Variants in CD58 observed in about 807,000 individuals in gnomAD.
CD58 encodes the protein CD58 molecule.
CD58 carries 14 observed loss-of-function variants against 27.6 expected under a neutral mutation model. The observed-to-expected ratio is 0.51, with a 90% CI of 0.34 to 0.79. The LOEUF is 0.79. Ranked by LOEUF, CD58 falls within the 30% of genes least tolerant of loss-of-function variation. The pLI, the probability that CD58 is intolerant of heterozygous loss-of-function variation, is 0.02. For synonymous variants in CD58, 117 were observed against 103.8 expected (o/e 1.13, Z -0.77); for missense variants, 268 against 301.7 (o/e 0.89, Z 0.83).
chr1:116,554,090 CT>C (rs1281784188), intron 1 of CD58, among the ~76,000 whole-genome samples: 1 of 152,120 alleles, frequency 6.6e-6, no homozygotes. Flanking sequence ...CTAAAAGAAC[CT>C]GTAGTTTCAC....
chr1:116,516,197 T>TAA lies in CD58; in HGVS notation c.744-1377_744-1376dup, dbSNP rs1389610063. Reference sequence around the variant, plus strand: ...GTGTGTGCTACCATACCCAGCTTCATAACCCTTTAGTAACTGAGCTTAGAG... The same window carrying TAA: ...GTGTGTGCTACCATACCCAGCTTCATAAAACCCTTTAGTAACTGAGCTTAGAG... On this transcript the variant is annotated intron_variant, in intron 5 of 5. Coordinates refer to ENST00000369489, the MANE Select transcript of CD58 (RefSeq NM_001779.3). This position sits in a 1 kb window ranked among gnomAD's most constrained non-coding sequence, Gnocchi z 6.1. Among the ~76,000 whole-genome samples the TAA allele has an allele frequency of 6.6e-6, 1 of 152,170 alleles. No homozygotes were observed. The highest frequency in any genetic ancestry group is 1.5e-5 in the Non-Finnish European group (1 of 68,024).
intron 5 of CD58, among the ~76,000 whole-genome samples, chr1:116,518,399 C>A (rs1486244807): frequency 2.6e-5 from 4 of 151,968 alleles, no homozygotes; most frequent in Non-Finnish European, 5.9e-5. Context: ...TAATTAGTCC[C>A]ATGCTTTGCC....
At position 116,550,582 on chromosome 1, in the gene CD58, T is replaced by A. The variant is rs1203114958; in HGVS notation, c.71-5978A>T. Among the ~76,000 whole-genome samples the A allele has an allele frequency of 6.6e-6, 1 of 152,162 alleles. No individual in the cohort carries two copies. Among genetic ancestry groups the A allele is most frequent in the African/African-American group, 2.4e-5 (1 of 41,438 alleles). On this transcript the variant is annotated intron_variant, in intron 1 of 5. Coordinates refer to ENST00000369489, the MANE Select transcript of CD58 (RefSeq NM_001779.3). The surrounding 1 kb of genome is among the most constrained non-coding windows in gnomAD (Gnocchi z 4.2). ...GGATCGGAATCAAATTCTTCCAAAC[T>A]CCTGTTAATATTGATATTTTGACCT...
At chr1:116,540,152 T>A (rs1657946783) in intron 2 of CD58, among the ~76,000 whole-genome samples, 2 of 152,146 alleles carry the variant, frequency 1.3e-5, no homozygotes, top group Non-Finnish European at 2.9e-5. Context: ...AGGGGACTTT[T>A]GGGTATGGAG....
At chr1:116,535,897 T>G in intron 3 of CD58, 68 bp downstream of exon 3, 1 of 1,110,532 alleles carries the variant, frequency 9.0e-7, no homozygotes, top group Non-Finnish European at 1.3e-6. Context: ...TTCAAAATTG[T>G]GAACCTTGTG....
Position 116,536,053 on chromosome 1 carries a change from A to T in CD58, c.540T>A (p.Asp180Glu). Reference protein sequence around the residue: ...STSIYFKMENDLPQKIQCTLS... With the variant: ...STSIYFKMENELPQKIQCTLS... Reference sequence around the variant, plus strand: ...GAGTACACTGTATTTTTTGTGGAAGATCATTTTCCATCTTAAAATATATAC... The same window carrying T: ...GAGTACACTGTATTTTTTGTGGAAGTTCATTTTCCATCTTAAAATATATAC... Residue 180 changes from aspartate to glutamate, a missense_variant, in exon 3 of 6, where the codon GAT (aspartate) becomes GAA (glutamate). Transcript: ENST00000369489. The surrounding 1 kb of genome is among the most constrained non-coding windows in gnomAD (Gnocchi z 5.4). 6.2e-7 allele frequency: 1 copy of T among 1,613,222 alleles called. No homozygotes were observed. The highest frequency in any genetic ancestry group is 8.5e-7 in the Non-Finnish European group (1 of 1,179,370).
chr1:116,543,522 G>A (rs1658060470), intron 2 of CD58, among the ~76,000 whole-genome samples: 1 of 151,832 alleles, frequency 6.6e-6, no homozygotes, highest in African/African-American at 2.4e-5. Flanking sequence ...TGGCATGTGA[G>A]GCAGGGGCCT....
chr1:116,547,839 G>A (rs1402055760), intron 1 of CD58, among the ~76,000 whole-genome samples: 1 of 152,112 alleles, frequency 6.6e-6, no homozygotes, highest in East Asian at 1.9e-4. Flanking sequence ...TAATGGGATT[G>A]CTGGATCAAA....
chr1:116,569,598 CTTTTTTT>C (rs35150803), intron 1 of CD58, among the ~76,000 whole-genome samples: 2 of 110,950 alleles, frequency 1.8e-5, no homozygotes, highest in East Asian at 2.4e-4. Context: ...CACAGCTCAC[CTTTTTTT>C]TTTTTTTTTT....
chr1:116,564,844 C>T (rs1375524988), intron 1 of CD58, among the ~76,000 whole-genome samples: 1 of 152,172 alleles, frequency 6.6e-6, no homozygotes. Context: ...TCTCGAACTC[C>T]TGGGCTCAAA....
rs533165334 is a variant in CD58 at position 116,532,329 on chromosome 1, G to A, written c.628+3636C>T. 6.6e-6 allele frequency among the ~76,000 whole-genome samples: 1 copy of A among 152,284 alleles called. No individual in the cohort carries two copies. The highest frequency in any genetic ancestry group is 2.1e-4 in the South Asian group (1 of 4,830). ...TATGAGGTGACCCGTGGCAGCTCTC[G>A]CCTGAGCTGGTGTGCCACAACCCTG... On this transcript the variant is annotated intron_variant, in intron 3 of 5. Transcript: ENST00000369489. The surrounding 1 kb of genome is among the most constrained non-coding windows in gnomAD (Gnocchi z 5.1).
chr1:116,544,319 T>C lies in CD58; in HGVS notation c.356A>G (p.Tyr119Cys), dbSNP rs144958210. ...ACTTATGGAATACTCACCAAGCACA[T>C]AAAGAAAGAACTTCATGGTATCAGT... Reference protein sequence around the residue: ...NITDTMKFFLYVLESLPSPTL... With the variant: ...NITDTMKFFLCVLESLPSPTL... The change falls in exon 2 of 6, where the codon TAT becomes TGT. Residue 119 changes from tyrosine to cysteine, a missense_variant. Tyr to Cys is a radical substitution (Grantham distance 194). Transcript: ENST00000369489. 8.1e-6 allele frequency: 13 copies of C among 1,597,592 alleles called. No homozygotes were observed. In the East Asian group the frequency reaches 2.9e-4, roughly 36 times the overall value.
chr1:116,540,955 A>G (rs1244580473), intron 2 of CD58, among the ~76,000 whole-genome samples: 1 of 152,026 alleles, frequency 6.6e-6, no homozygotes, highest in Non-Finnish European at 1.5e-5. Context: ...GACTACAGGC[A>G]TGCACCACCA....
rs1006566522 is a variant in CD58 at position 116,563,340 on chromosome 1, G to A, written c.70+7563C>T. On this transcript the variant is annotated intron_variant, in intron 1 of 5. Transcript: ENST00000369489. This position sits in a 1 kb window ranked among gnomAD's most constrained non-coding sequence, Gnocchi z 4.1. ...GCATTAAGTGTCTGTGGCTTTTCCA[G>A]GTACACGGTGCAAGCTCTCGGTGGA... Among the ~76,000 whole-genome samples the A allele has an allele frequency of 6.6e-6, 1 of 151,874 alleles. No individual in the cohort carries two copies. The highest frequency in any genetic ancestry group is 1.5e-5 in the Non-Finnish European group (1 of 67,968).
chr1:116,539,868 G>A (rs913179994), intron 2 of CD58, among the ~76,000 whole-genome samples: 2 of 152,182 alleles, frequency 1.3e-5, no homozygotes, highest in African/African-American at 2.4e-5. Context: ...GGCAAGAAAT[G>A]TGCCTACTTC....
At chr1:116,525,083 T>A (rs1229740868) in intron 3 of CD58, among the ~76,000 whole-genome samples, 1 of 152,228 alleles carries the variant, frequency 6.6e-6, no homozygotes, top group Non-Finnish European at 1.5e-5. Context: ...CATTAAAAAA[T>A]CCACACTTTA....
intron 3 of CD58, among the ~76,000 whole-genome samples, chr1:116,529,762 C>T (rs1160527375): frequency 2.6e-5 from 4 of 152,140 alleles, no homozygotes; most frequent in Admixed American, 1.3e-4. Flanking sequence ...CAGTACAATA[C>T]GAGTTGGACA....
Position 116,522,286 on chromosome 1 carries a change from CT to C in CD58, c.629-304del, listed in dbSNP as rs1176246105. 1.3e-5 allele frequency among the ~76,000 whole-genome samples: 2 copies of C among 152,126 alleles called. No homozygotes were observed. Among genetic ancestry groups the C allele is most frequent in the Non-Finnish European group, 2.9e-5 (2 of 68,008 alleles). On this transcript the variant is annotated intron_variant, in intron 3 of 5. Transcript: ENST00000369489. This position sits in a 1 kb window ranked among gnomAD's most constrained non-coding sequence, Gnocchi z 4.6. Reference sequence around the variant, plus strand: ...AGTGCCATGATTTTGCATTTTTGTGCTTTTTTGTTGGTGATTTCACTATTTT... The same window carrying C: ...AGTGCCATGATTTTGCATTTTTGTGCTTTTTGTTGGTGATTTCACTATTTT...
intron 1 of CD58, among the ~76,000 whole-genome samples, chr1:116,566,829 A>G (rs1382040208): frequency 6.6e-6 from 1 of 151,932 alleles, no homozygotes; most frequent in Non-Finnish European, 1.5e-5. Flanking sequence ...TAAACTAATA[A>G]ATATATATAT....
Sources: gnomAD v4.1 joint callset for allele counts (sites outside exome capture counted in the v4.1 genomes callset) on GRCh38, gnomAD v4.1.1 for gene constraint, Gnocchi (gnomAD v3.1) non-coding constraint, MANE v1.5 for transcripts, NCBI Gene and HGNC (gene_info 2026-07-23, HGNC 2026-07-21) for gene names.